Variants in TCERG1L observed in about 807,000 individuals in gnomAD.
TCERG1L encodes transcription elongation regulator 1 like, also known as transcription elongation regulator 1-like protein.
In TCERG1L, 37 loss-of-function variants were observed where a neutral mutation model predicts 56.3. The ratio of observed to expected loss-of-function variants is 0.66; its 90% CI spans 0.51 to 0.87. The LOEUF (loss-of-function observed/expected upper bound fraction) is 0.87. Among genes scored for constraint, TCERG1L ranks in the 40% least tolerant of loss-of-function variants. TCERG1L has a pLI of 0.00. For missense variants in TCERG1L, 799 were observed against 774.2 expected (o/e 1.03, Z -0.38); for synonymous variants, 324 against 326.3 (o/e 0.99, Z 0.08).
At chr10:131,146,801 T>A in intron 6 of TCERG1L, 141 bp from the exon 7 acceptor site, 1 of 927,122 alleles carries the variant, frequency 1.1e-6, no homozygotes, top group Non-Finnish European at 1.6e-6. Flanking sequence ...GTATGAATAC[T>A]AAAGACAAAG....
intron 10 of TCERG1L, among the ~76,000 whole-genome samples, chr10:131,099,060 C>G (rs1178858782): frequency 6.6e-6 from 1 of 152,162 alleles, no homozygotes; most frequent in Admixed American, 6.5e-5. Context: ...GCCAGGCTGC[C>G]TGGGTCATCA....
At chr10:131,097,877 G>A (rs951702810) in intron 11 of TCERG1L, among the ~76,000 whole-genome samples, 14 of 152,126 alleles carry the variant, frequency 9.2e-5, no homozygotes, top group African/African-American at 3.4e-4. Context: ...TAAGACATCT[G>A]GAACCAAGGG....
At chr10:131,180,235 C>A (rs2133451507) in intron 4 of TCERG1L, among the ~76,000 whole-genome samples, 1 of 152,286 alleles carries the variant, frequency 6.6e-6, no homozygotes, top group Non-Finnish European at 1.5e-5. Flanking sequence ...TGCAAAGTCC[C>A]AGAGCTAAGA....
At chr10:131,159,223 C>T (rs546479733) in intron 6 of TCERG1L, among the ~76,000 whole-genome samples, 1 of 152,322 alleles carries the variant, frequency 6.6e-6, no homozygotes, top group East Asian at 1.9e-4. Context: ...CCCTGACAGC[C>T]ATGTGCCAGG....
chr10:131,272,639 G>A (rs1283790245), intron 3 of TCERG1L, among the ~76,000 whole-genome samples: 1 of 152,182 alleles, frequency 6.6e-6, no homozygotes, highest in African/African-American at 2.4e-5. Context: ...GCCAGTGGGA[G>A]AGATGACCCT....
chr10:131,143,550 G>A (rs1282426600), intron 7 of TCERG1L, among the ~76,000 whole-genome samples: 1 of 152,202 alleles, frequency 6.6e-6, no homozygotes, highest in Non-Finnish European at 1.5e-5. Context: ...GCGGGCCAAG[G>A]TGGTGGGGCT....
chr10:131,116,197 C>G (rs1186246634), intron 9 of TCERG1L, among the ~76,000 whole-genome samples: 1 of 152,190 alleles, frequency 6.6e-6, no homozygotes, highest in African/African-American at 2.4e-5. Context: ...TCCCCCCGAC[C>G]CCCAAGTCAA....
intron 3 of TCERG1L, among the ~76,000 whole-genome samples, chr10:131,282,933 C>T (rs1160352890): frequency 1.3e-5 from 2 of 152,176 alleles, no homozygotes; most frequent in East Asian, 3.8e-4. Flanking sequence ...GGTCTTGACC[C>T]TAACTTTCTA....
At chr10:131,309,734 G>C (rs557364255) in intron 1 of TCERG1L, among the ~76,000 whole-genome samples, 17 of 141,132 alleles carry the variant, frequency 1.2e-4, no homozygotes, top group Admixed American at 8.3e-4. Context: ...TACTTTTGTC[G>C]TTTTACAAAT....
intron 8 of TCERG1L, among the ~76,000 whole-genome samples, chr10:131,125,818 C>T (rs1589722141): frequency 1.3e-5 from 2 of 152,292 alleles, no homozygotes; most frequent in African/African-American, 4.8e-5. Flanking sequence ...TGGTGCTGGC[C>T]CTGAGTAGGA....
At chr10:131,277,375 G>A (rs911390004) in intron 3 of TCERG1L, among the ~76,000 whole-genome samples, 2 of 152,174 alleles carry the variant, frequency 1.3e-5, no homozygotes, top group East Asian at 1.9e-4. Context: ...TCTAACAACC[G>A]GAGCGGTCAC....
intron 7 of TCERG1L, among the ~76,000 whole-genome samples, chr10:131,143,521 C>T (rs974506779): frequency 2.6e-5 from 4 of 152,280 alleles, no homozygotes; most frequent in Middle Eastern, 6.8e-3. Context: ...AGGTGGCCCC[C>T]GTGGCCAAAG....
chr10:131,099,284 AG>A lies in TCERG1L; in HGVS notation c.1486-861del, dbSNP rs1259739791. Among the ~76,000 whole-genome samples, 5 of 152,374 alleles carry A rather than the reference AG, an allele frequency of 3.3e-5. No homozygotes were observed. The East Asian group carries it at 9.6e-4, about 29-fold the overall frequency. On this transcript the variant is annotated intron_variant, in intron 10 of 11. Transcript: ENST00000368642. ...TAACGAGATGCAATCTCTTTGTGAC[AG>A]GCCACAGAACCTCTTCTCTGTCAGG...
Position 131,093,213 on chromosome 10 carries a change from A to G in TCERG1L, c.1710T>C (p.Ile570=). The G allele has an allele frequency of 2.5e-6, 4 of 1,613,894 alleles. No individual in the cohort carries two copies. The highest frequency in any genetic ancestry group is 3.4e-6 in the Non-Finnish European group (4 of 1,179,854). ...QEHFFNQFIL[I]LKKRDKENRL... ...TGTTTTCCTTGTCCCGTTTCTTAAGAATAAGTATGAATTGGTTGAAAAAAT... is the reference window on the plus strand; with the variant it reads ...TGTTTTCCTTGTCCCGTTTCTTAAGGATAAGTATGAATTGGTTGAAAAAAT... Residue 570 remains isoleucine (I), a synonymous_variant, in exon 12 of 12, where the codon ATT becomes ATC. Coordinates refer to ENST00000368642, the MANE Select transcript of TCERG1L (RefSeq NM_174937.4).
intron 4 of TCERG1L, among the ~76,000 whole-genome samples, chr10:131,225,685 A>G (rs1023346841): frequency 6.6e-6 from 1 of 152,166 alleles, no homozygotes; most frequent in Admixed American, 6.5e-5. Flanking sequence ...GGAACGCAGA[A>G]TGAGAAGGCT....
chr10:131,214,333 C>A (rs570089291), intron 4 of TCERG1L, among the ~76,000 whole-genome samples: 33 of 149,236 alleles, frequency 2.2e-4, no homozygotes, highest in Non-Finnish European at 4.4e-4. Flanking sequence ...ATGCTCCTGG[C>A]TGCTCATCTC....
At chr10:131,230,784 G>T (rs977158025) in intron 4 of TCERG1L, among the ~76,000 whole-genome samples, 15 of 152,324 alleles carry the variant, frequency 9.8e-5, no homozygotes, top group African/African-American at 3.4e-4. Context: ...TGGCACCTGA[G>T]CTCCATGTGC....
At chr10:131,243,894 G>T (rs371490637) in intron 4 of TCERG1L, among the ~76,000 whole-genome samples, 2 of 152,212 alleles carry the variant, frequency 1.3e-5, no homozygotes, top group Middle Eastern at 3.2e-3. Context: ...ACTGAGCCCA[G>T]CTCAAATTGG....
At chr10:131,135,798 G>A (rs1056430326) in intron 7 of TCERG1L, among the ~76,000 whole-genome samples, 4 of 152,256 alleles carry the variant, frequency 2.6e-5, no homozygotes, top group Admixed American at 6.5e-5. Flanking sequence ...CACACCCTGT[G>A]TGGGTGCTCC....
Sources: gnomAD v4.1 joint callset for allele counts (sites outside exome capture counted in the v4.1 genomes callset) on GRCh38, gnomAD v4.1.1 for gene constraint, MANE v1.5 for transcripts, NCBI Gene and HGNC (gene_info 2026-07-23, HGNC 2026-07-21) for gene names.